Variants in RBFOX1 observed in about 807,000 individuals in gnomAD.
The protein encoded by RBFOX1 is RNA binding fox-1 homolog 1, also known as RNA binding protein fox-1 homolog 1.
RBFOX1 carries 8 observed loss-of-function variants against 57.7 expected under a neutral mutation model. The observed-to-expected ratio is 0.14, with a 90% CI of 0.08 to 0.25. RBFOX1 has a LOEUF of 0.25. RBFOX1 is among the 10% of genes least tolerant of loss of function. The pLI is 1.00. For synonymous variants in RBFOX1, 326 were observed against 222.4 expected (o/e 1.47, Z -4.15); for missense variants, 611 against 548.5 (o/e 1.11, Z -1.14).
At chr16:6,164,679 A>G (rs899685933) in intron 1 of RBFOX1, among the ~76,000 whole-genome samples, 3 of 151,712 alleles carry the variant, frequency 2.0e-5, no homozygotes, top group Admixed American at 1.3e-4. Context: ...GAGTTTTGCT[A>G]TTTGGCCGGG....
At chr16:7,602,344 A>T (rs2095070891) in intron 9 of RBFOX1, among the ~76,000 whole-genome samples, 1 of 152,188 alleles carries the variant, frequency 6.6e-6, no homozygotes, top group African/African-American at 2.4e-5. Flanking sequence ...CCAGACCCCA[A>T]GACGTCTGTT....
chr16:5,507,589 C>T (rs150378226), intron 2 of RBFOX1, among the ~76,000 whole-genome samples: 11 of 152,156 alleles, frequency 7.2e-5, no homozygotes, highest in East Asian at 1.9e-4. Flanking sequence ...AAGTCCTAAC[C>T]CTTCATGCCT....
intron 3 of RBFOX1, among the ~76,000 whole-genome samples, chr16:5,788,698 C>G (rs1194931198): frequency 1.3e-5 from 2 of 152,148 alleles, no homozygotes; most frequent in African/African-American, 2.4e-5. Context: ...ATTTAGCAAA[C>G]TGTGAGCTCC....
At chr16:5,866,958 T>C (rs960677271) in intron 3 of RBFOX1, among the ~76,000 whole-genome samples, 1 of 152,260 alleles carries the variant, frequency 6.6e-6, no homozygotes, top group Admixed American at 6.5e-5. Context: ...AAAAATGTCT[T>C]CAGTGCCTTT....
At position 6,925,321 on chromosome 16, in the gene RBFOX1, C is replaced by T. The variant is rs184946037; in HGVS notation, c.-15-126736C>T. Among the ~76,000 whole-genome samples, 33 of 151,214 alleles carry T rather than the reference C, an allele frequency of 2.2e-4. No individual in the cohort carries two copies. In the East Asian group the frequency reaches 4.1e-3, roughly 19 times the overall value. ...TTTAACTTTTGTAGAGATAGGGTTT[C>T]GTCCTGTTGGCCAGGCTGGTCTTGA... is the stretch of plus-strand genomic sequence containing the variant. On this transcript the variant is annotated intron_variant, in intron 3 of 15. Transcript: ENST00000550418.
chr16:6,078,015 G>C (rs2095935848), intron 1 of RBFOX1, among the ~76,000 whole-genome samples: 1 of 152,096 alleles, frequency 6.6e-6, no homozygotes, highest in Admixed American at 6.5e-5. Context: ...ATCTGAATCT[G>C]AGACTGAACA....
chr16:7,687,875 G>T (rs985641149), intron 14 of RBFOX1, among the ~76,000 whole-genome samples: 1 of 151,970 alleles, frequency 6.6e-6, no homozygotes, highest in Non-Finnish European at 1.5e-5. Flanking sequence ...TGAGTTCTCC[G>T]TGCTGGCTGA....
intron 4 of RBFOX1, chr16:7,304,193 GGAGAGAGACAGA>G (rs1191407238): frequency 3.1e-4 from 298 of 966,634 alleles, no homozygotes; most frequent in Middle Eastern, 5.3e-4. Flanking sequence ...GGAAAGAGGG[GGAGAGAGACAGA>G]GAGAGAGACA....
chr16:7,063,727 TG>T (rs1244600354), intron 4 of RBFOX1, among the ~76,000 whole-genome samples: 1 of 152,198 alleles, frequency 6.6e-6, no homozygotes, highest in Non-Finnish European at 1.5e-5. Context: ...AACACACACC[TG>T]GGTCTGCACG....
intron 2 of RBFOX1, among the ~76,000 whole-genome samples, chr16:6,392,609 C>T (rs910932658): frequency 1.3e-5 from 2 of 152,160 alleles, no homozygotes; most frequent in African/African-American, 4.8e-5. Flanking sequence ...CTTTGCTCTC[C>T]TCCGCACACT....
intron 3 of RBFOX1, among the ~76,000 whole-genome samples, chr16:6,763,597 A>G (rs1379666084): frequency 1.3e-5 from 2 of 152,174 alleles, no homozygotes; most frequent in African/African-American, 2.4e-5. Context: ...TTAATCATCA[A>G]CAACCACTTG....
intron 1 of RBFOX1, among the ~76,000 whole-genome samples, chr16:6,089,079 ATAT>A (rs1182810426): frequency 2.2e-5 from 3 of 136,276 alleles, no homozygotes; most frequent in African/African-American, 8.7e-5. Context: ...AAAAAAAAAA[ATAT>A]ATATATATAT....
intron 4 of RBFOX1, among the ~76,000 whole-genome samples, chr16:7,420,162 C>G (rs987838183): frequency 3.9e-5 from 6 of 152,094 alleles, no homozygotes; most frequent in African/African-American, 1.2e-4. Context: ...TGCTCTCTCT[C>G]CAGTCTAAAT....
At chr16:6,821,872 A>G (rs892579797) in intron 3 of RBFOX1, among the ~76,000 whole-genome samples, 4 of 152,160 alleles carry the variant, frequency 2.6e-5, no homozygotes, top group African/African-American at 9.7e-5. Flanking sequence ...TTTTGTGGGT[A>G]TATACCTAGG....
chr16:7,017,845 A>G (rs1056331958), intron 3 of RBFOX1, among the ~76,000 whole-genome samples: 3 of 152,134 alleles, frequency 2.0e-5, no homozygotes, highest in Admixed American at 6.6e-5. Flanking sequence ...TTATTTGTGC[A>G]TTCATTCATT....
chr16:7,362,418 G>A (rs761136656), intron 4 of RBFOX1, among the ~76,000 whole-genome samples: 1 of 151,340 alleles, frequency 6.6e-6, no homozygotes, highest in South Asian at 2.1e-4. Flanking sequence ...TGTTTTGTGT[G>A]TATGCGTTAG....
intron 1 of RBFOX1, among the ~76,000 whole-genome samples, chr16:6,175,993 G>A (rs1326869146): frequency 6.6e-6 from 1 of 152,092 alleles, no homozygotes; most frequent in African/African-American, 2.4e-5. Flanking sequence ...TGAGTCCTAG[G>A]TATTGGTATT....
chr16:7,489,467 A>G (rs1272170873), intron 4 of RBFOX1, among the ~76,000 whole-genome samples: 1 of 151,686 alleles, frequency 6.6e-6, no homozygotes, highest in East Asian at 1.9e-4. Flanking sequence ...TGCTGTTCCT[A>G]TTTTGGAGAT....
chr16:6,541,987 C>T (rs2096827035), intron 2 of RBFOX1, among the ~76,000 whole-genome samples: 2 of 151,966 alleles, frequency 1.3e-5, no homozygotes, highest in African/African-American at 4.8e-5. Flanking sequence ...CACTCTGTCA[C>T]CCTTGCTGGA....
Sources: gnomAD v4.1 joint callset for allele counts (sites outside exome capture counted in the v4.1 genomes callset) on GRCh38, gnomAD v4.1.1 for gene constraint, MANE v1.5 for transcripts, NCBI Gene and HGNC (gene_info 2026-07-23, HGNC 2026-07-21) for gene names.